ARSB: variants seen among roughly 807,000 people sequenced by gnomAD.
ARSB encodes the protein N-acetylgalactosamine-4-sulfatase.
In ARSB, 41 loss-of-function variants were observed where a neutral mutation model predicts 50.9. The ratio of observed to expected loss-of-function variants is 0.81; its 90% confidence interval spans 0.63 to 1.04. The LOEUF is 1.04. ARSB is among the 50% of genes least tolerant of loss of function. The pLI is 0.00. For missense variants in ARSB, 672 were observed against 693.3 expected (o/e 0.97, Z 0.35); for synonymous variants, 269 against 284.8 (o/e 0.94, Z 0.56).
rs1457848169 is a variant in ARSB, at chr5:78,885,636, G to A, written c.1090C>T (p.His364Tyr). 3 of 1,614,092 alleles carry A rather than the reference G, an allele frequency of 1.9e-6. No homozygotes were observed. Among genetic ancestry groups the A allele is most frequent in the Admixed American group, 3.3e-5 (2 of 60,016 alleles). ...TCCAGAGGCTTTGTGCCATTGGTGT[G>A]TCCCCTGGCCAGCTTCACGAGTGTT... ...LPTLVKLARG[H>Y]TNGTKPLDGF... The change falls in exon 5 of 8, where the codon CAC becomes TAC. Residue 364 changes from histidine to tyrosine, a missense_variant. Transcript: ENST00000264914.
intron 6 of ARSB, among the ~76,000 whole-genome samples, chr5:78,804,707 G>C (rs972528278): frequency 1.3e-5 from 2 of 152,230 alleles, no homozygotes; most frequent in Non-Finnish European, 1.5e-5. Flanking sequence ...AATGTGGATA[G>C]CCTGGTAGGG....
chr5:78,945,079 G>A (rs765794716), intron 4 of ARSB, among the ~76,000 whole-genome samples: 1 of 152,218 alleles, frequency 6.6e-6, no homozygotes, highest in Non-Finnish European at 1.5e-5. Context: ...CTCTGAGCCA[G>A]GCGCGGGATA....
intron 5 of ARSB, among the ~76,000 whole-genome samples, chr5:78,867,541 C>A (rs1217505104): frequency 2.0e-5 from 3 of 151,992 alleles, no homozygotes; most frequent in Admixed American, 6.6e-5. Flanking sequence ...CTGGGAGGCA[C>A]CCCCCAGCAG....
chr5:78,961,998 A>C (rs537409845), intron 3 of ARSB, among the ~76,000 whole-genome samples: 2 of 152,258 alleles, frequency 1.3e-5, no homozygotes, highest in South Asian at 4.2e-4. Flanking sequence ...CAGGACTGAA[A>C]TCATTAAGGT....
intron 4 of ARSB, among the ~76,000 whole-genome samples, chr5:78,887,302 C>G (rs10462560): frequency 0.52 from 76,986 of 147,940 alleles, 21,835 homozygotes; most frequent in Admixed American, 0.62. Flanking sequence ...GACCAAAGAG[C>G]AGGAAGAGCC....
chr5:78,850,846 T>G (rs190589805), intron 5 of ARSB, among the ~76,000 whole-genome samples: 1 of 152,348 alleles, frequency 6.6e-6, no homozygotes, highest in East Asian at 1.9e-4. Flanking sequence ...TTTATTTGCA[T>G]AGAGGTGTTT....
chr5:78,930,426 G>A (rs147079298), intron 4 of ARSB, among the ~76,000 whole-genome samples: 1,675 of 138,264 alleles, frequency 0.012, 16 homozygotes, highest in Non-Finnish European at 0.021. Flanking sequence ...GTTCTGAGAT[G>A]GAAACAAAAG....
At chr5:78,795,171 A>G (rs1743133615) in intron 6 of ARSB, among the ~76,000 whole-genome samples, 1 of 152,230 alleles carries the variant, frequency 6.6e-6, no homozygotes, top group Admixed American at 6.5e-5. Flanking sequence ...CAGTTAAGGC[A>G]GTGGTTTTCA....
intron 4 of ARSB, among the ~76,000 whole-genome samples, chr5:78,910,668 A>C (rs1749269906): frequency 6.6e-6 from 1 of 152,256 alleles, no homozygotes; most frequent in Non-Finnish European, 1.5e-5. Context: ...TTCTATTTCT[A>C]GACCAAGTAA....
chr5:78,958,404 C>G (rs414063), intron 3 of ARSB, among the ~76,000 whole-genome samples: 77,328 of 151,926 alleles, frequency 0.51, 20,367 homozygotes, highest in African/African-American at 0.68. Flanking sequence ...GCTGGGAAGG[C>G]GGACAGGGGA....
At chr5:78,860,141 G>A (rs148661956) in intron 5 of ARSB, among the ~76,000 whole-genome samples, 57 of 152,182 alleles carry the variant, frequency 3.7e-4, no homozygotes, top group African/African-American at 1.2e-3. Context: ...TATTAGGTCC[G>A]CTTGGTCCAG....
chr5:78,929,877 T>C (rs575701503), intron 4 of ARSB, among the ~76,000 whole-genome samples: 8 of 151,522 alleles, frequency 5.3e-5, no homozygotes, highest in Non-Finnish European at 1.2e-4. Context: ...AAATAACAAG[T>C]AGAGTTATGC....
At chr5:78,842,566 A>G (rs1354345104) in intron 5 of ARSB, among the ~76,000 whole-genome samples, 1 of 152,142 alleles carries the variant, frequency 6.6e-6, no homozygotes, top group Non-Finnish European at 1.5e-5. Context: ...TCACCACCAT[A>G]TTAATAAACT....
Position 78,806,616 on chromosome 5 carries a change from C to T in ARSB, c.1214-24642G>A, listed in dbSNP as rs571821431. ...TTGTCAGTCACTCCTCCTCACCCTG[C>T]GCTTTGCAGGTGGCCCACGCACAGC... On this transcript the variant is annotated intron_variant, in intron 6 of 7. Transcript: ENST00000264914. Among the ~76,000 whole-genome samples, 63 of 152,326 alleles carry T rather than the reference C, an allele frequency of 4.1e-4. 1 individual carries two copies. The highest frequency in any genetic ancestry group is 3.9e-3 in the South Asian group (19 of 4,818).
intron 4 of ARSB, among the ~76,000 whole-genome samples, chr5:78,950,741 G>C (rs1414871212): frequency 6.6e-6 from 1 of 152,148 alleles, no homozygotes; most frequent in Admixed American, 6.5e-5. Flanking sequence ...CTGACCTCAA[G>C]CTGCAGATTT....
chr5:78,963,210 C>T (rs185983419), intron 3 of ARSB, among the ~76,000 whole-genome samples: 4 of 152,316 alleles, frequency 2.6e-5, no homozygotes, highest in African/African-American at 4.8e-5. Context: ...GATCTGCACA[C>T]GCCAGCTCAA....
chr5:78,965,598 AC>A (rs1752171464), intron 2 of ARSB, among the ~76,000 whole-genome samples: 1 of 152,204 alleles, frequency 6.6e-6, no homozygotes. Flanking sequence ...TGAATTGTAC[AC>A]TTTAATTGGG....
intron 4 of ARSB, among the ~76,000 whole-genome samples, chr5:78,941,029 T>C (rs1046099908): frequency 2.0e-5 from 3 of 150,556 alleles, no homozygotes; most frequent in Non-Finnish European, 4.5e-5. Context: ...CCTAGGTATT[T>C]TATTCTCTTT....
At chr5:78,811,755 C>T (rs929396064) in intron 6 of ARSB, among the ~76,000 whole-genome samples, 2 of 152,252 alleles carry the variant, frequency 1.3e-5, no homozygotes, top group Non-Finnish European at 2.9e-5. Context: ...GGTGTATCAA[C>T]ATTCATAATT....
Sources: gnomAD v4.1 joint callset for allele counts (sites outside exome capture counted in the v4.1 genomes callset) on GRCh38, gnomAD v4.1.1 for gene constraint, MANE v1.5 for transcripts, NCBI Gene and HGNC (gene_info 2026-07-23, HGNC 2026-07-21) for gene names.